CDIN1: variants seen among roughly 807,000 people sequenced by gnomAD.
CDIN1 encodes CDAN1-interacting nuclease 1.
A neutral mutation model predicts 45.3 loss-of-function variants in CDIN1; 33 were observed. The ratio of observed to expected loss-of-function variants is 0.73; its 90% CI spans 0.55 to 0.97. The LOEUF (loss-of-function observed/expected upper bound fraction) is 0.97, where lower values mean the gene tolerates loss of function less well. CDIN1 is among the 50% of genes least tolerant of loss of function. CDIN1 has a pLI of 0.00. For synonymous variants in CDIN1, 118 were observed against 124.4 expected (o/e 0.95, Z 0.34); for missense variants, 303 against 339.4 (o/e 0.89, Z 0.84).
chr15:36,614,218 C>G, intron 1 of CDIN1: 1 of 633,868 alleles, frequency 1.6e-6, no homozygotes, highest in South Asian at 1.4e-5. Context: ...CATTCCCACC[C>G]TGCTGCTGCT....
At chr15:36,784,064 T>C (rs1219010945) in intron 10 of CDIN1, among the ~76,000 whole-genome samples, 1 of 152,172 alleles carries the variant, frequency 6.6e-6, no homozygotes, top group Non-Finnish European at 1.5e-5. Flanking sequence ...AGCATGCACA[T>C]CCTTAATACA....
chr15:36,614,210 T>C (rs531049320), intron 1 of CDIN1: 12 of 633,632 alleles, frequency 1.9e-5, no homozygotes, highest in Admixed American at 1.3e-4. Flanking sequence ...GAATGCCCCA[T>C]TCCCACCCTG....
chr15:36,689,738 G>A (rs1369004440), intron 5 of CDIN1, among the ~76,000 whole-genome samples: 1 of 152,072 alleles, frequency 6.6e-6, no homozygotes, highest in Non-Finnish European at 1.5e-5. Flanking sequence ...ATGATTCATT[G>A]TTTCCTATTC....
At chr15:36,588,317 G>T (rs2037401814) in intron 1 of CDIN1, among the ~76,000 whole-genome samples, 1 of 152,116 alleles carries the variant, frequency 6.6e-6, no homozygotes, top group Non-Finnish European at 1.5e-5. Flanking sequence ...GTAGGGCTTG[G>T]TATACTTAAT....
intron 10 of CDIN1, among the ~76,000 whole-genome samples, chr15:36,783,175 T>A (rs2054395926): frequency 6.6e-6 from 1 of 152,208 alleles, no homozygotes; most frequent in Non-Finnish European, 1.5e-5. Flanking sequence ...TAAAATAGGT[T>A]TAAGTGTGGG....
chr15:36,757,650 T>C (rs2053643413), intron 10 of CDIN1, among the ~76,000 whole-genome samples: 1 of 152,136 alleles, frequency 6.6e-6, no homozygotes, highest in Non-Finnish European at 1.5e-5. Context: ...ATCCATGCTG[T>C]GTACACTACC....
intron 1 of CDIN1, chr15:36,619,057 G>A: frequency 7.9e-7 from 1 of 1,273,804 alleles, no homozygotes; most frequent in Non-Finnish European, 1.1e-6. Context: ...CAAAGACAAT[G>A]AAGCTCCTTA....
At chr15:36,588,760 G>A (rs2037425169) in intron 1 of CDIN1, among the ~76,000 whole-genome samples, 2 of 152,000 alleles carry the variant, frequency 1.3e-5, no homozygotes, top group Admixed American at 6.6e-5. Context: ...TATTATGTTA[G>A]TGTATGGCCC....
At chr15:36,711,255 A>AT (rs1267010396) in intron 10 of CDIN1, among the ~76,000 whole-genome samples, 1 of 152,046 alleles carries the variant, frequency 6.6e-6, no homozygotes, top group Non-Finnish European at 1.5e-5. Flanking sequence ...TTGCTAAAGT[A>AT]TTTTAAAAAA....
intron 1 of CDIN1, among the ~76,000 whole-genome samples, chr15:36,619,559 T>G (rs2039067586): frequency 1.3e-5 from 2 of 152,020 alleles, no homozygotes; most frequent in South Asian, 2.1e-4. Flanking sequence ...TTTTTTCTAT[T>G]TTTGTTTTTG....
rs1467553369 is a variant in CDIN1 at position 36,709,284 on chromosome 15, A to G, written c.606A>G (p.Pro202=). 1.2e-6 allele frequency: 2 copies of G among 1,600,492 alleles called. No homozygotes were observed. The highest frequency in any genetic ancestry group is 3.4e-5 in the Admixed American group (2 of 58,890). The stretch of plus-strand genomic sequence containing the variant: ...CACCAGACTTCATTTTACAAGTACC[A>G]GTTGGTAAGTTCTTTAACTCTGTTA... ...DKTPDFILQV[P]VAVEGHIIHW... is the part of the protein sequence containing the mutation. Residue 202 remains proline (P), a synonymous_variant, in exon 9 of 11, where the codon CCA becomes CCG. Coordinates refer to ENST00000566621, the MANE Select transcript of CDIN1 (RefSeq NM_001321759.2).
At chr15:36,689,061 A>T (rs912257403) in intron 5 of CDIN1, among the ~76,000 whole-genome samples, 3 of 152,222 alleles carry the variant, frequency 2.0e-5, no homozygotes, top group South Asian at 2.1e-4. Context: ...CATTTAAAAC[A>T]ACTGACTTCC....
intron 5 of CDIN1, among the ~76,000 whole-genome samples, chr15:36,678,700 T>G (rs1017769024): frequency 1.3e-5 from 2 of 152,200 alleles, no homozygotes; most frequent in East Asian, 3.8e-4. Flanking sequence ...AGTTCCCCTA[T>G]CTTGCTTAAA....
intron 5 of CDIN1, among the ~76,000 whole-genome samples, chr15:36,675,411 C>T (rs755808698): frequency 3.3e-5 from 5 of 152,106 alleles, no homozygotes; most frequent in Non-Finnish European, 7.4e-5. Context: ...TCTAGCACTC[C>T]TCTGTCATTT....
chr15:36,606,396 A>G (rs922096125), intron 1 of CDIN1, among the ~76,000 whole-genome samples: 2 of 152,168 alleles, frequency 1.3e-5, no homozygotes, highest in Admixed American at 6.5e-5. Flanking sequence ...AAGGGAATGA[A>G]GTTTGGGACT....
chr15:36,718,812 C>CTTTTTTTTTTTTTTTTT lies in CDIN1; in HGVS notation c.716+8858_716+8874dup, dbSNP rs3045909. Among the ~76,000 whole-genome samples the CTTTTTTTTTTTTTTTTT allele has an allele frequency of 2.2e-4, 21 of 96,650 alleles. 1 individual carries two copies. Among genetic ancestry groups the CTTTTTTTTTTTTTTTTT allele is most frequent in the East Asian group, 3.4e-4 (1 of 2,910 alleles). 63.4% of individuals were successfully genotyped at this position (96,650 alleles called of 152,430 possible). Reference sequence around the variant, plus strand: ...TTTTACTTCACTTTCAATTTGTATGCTTTTTTTTTTTTTTTTTTTTTTTGC... The same window carrying CTTTTTTTTTTTTTTTTT: ...TTTTACTTCACTTTCAATTTGTATGCTTTTTTTTTTTTTTTTTTTTTTTTTTTTTTTTTTTTTTTTGC... On this transcript the variant is annotated intron_variant, in intron 10 of 10. Coordinates refer to ENST00000566621, the MANE Select transcript of CDIN1 (RefSeq NM_001321759.2).
intron 7 of CDIN1, among the ~76,000 whole-genome samples, chr15:36,694,592 A>C (rs891065001): frequency 6.6e-6 from 1 of 151,962 alleles, no homozygotes; most frequent in African/African-American, 2.4e-5. Context: ...TTTGTTATCT[A>C]CTGTATTTTT....
chr15:36,804,500 A>C (rs912561109), intron 10 of CDIN1: 3 of 151,926 alleles, frequency 2.0e-5, no homozygotes, highest in African/African-American at 7.3e-5. Context: ...GGAGGTCATG[A>C]ATACAAATAA....
At chr15:36,742,790 A>C (rs1303847389) in intron 10 of CDIN1, among the ~76,000 whole-genome samples, 2 of 152,220 alleles carry the variant, frequency 1.3e-5, no homozygotes, top group Admixed American at 6.5e-5. Context: ...AGGGGTAGGC[A>C]ATAAAGATAA....
Sources: gnomAD v4.1 joint callset for allele counts (sites outside exome capture counted in the v4.1 genomes callset) on GRCh38, gnomAD v4.1.1 for gene constraint, MANE v1.5 for transcripts, NCBI Gene and HGNC (gene_info 2026-07-23, HGNC 2026-07-21) for gene names.